Variants in GRM7 observed in about 807,000 individuals in gnomAD.
The protein encoded by GRM7 is glutamate metabotropic receptor 7, also known as metabotropic glutamate receptor 7.
In GRM7, 35 loss-of-function variants were observed where a neutral mutation model predicts 84.5. The ratio of observed to expected loss-of-function variants is 0.41; its 90% CI spans 0.32 to 0.55. The LOEUF is 0.55. Ranked by LOEUF, GRM7 falls within the 20% of genes least tolerant of loss-of-function variation. GRM7 has a pLI of 0.19. For synonymous variants in GRM7, 487 were observed against 455.1 expected, an observed-to-expected ratio of 1.07 and a Z score of -0.89; for missense variants, 1,003 against 1,194.6, an observed-to-expected ratio of 0.84 and a Z score of 2.36.
chr3:7,304,441 G>C (rs144932313), intron 3 of GRM7, among the ~76,000 whole-genome samples: 91 of 150,086 alleles, frequency 6.1e-4, no homozygotes, highest in African/African-American at 2.2e-3. Context: ...TTCGTGATGT[G>C]CTTGATTTTC....
chr3:7,315,685 C>T (rs1277793075), intron 4 of GRM7, among the ~76,000 whole-genome samples: 1 of 152,172 alleles, frequency 6.6e-6, no homozygotes, highest in Non-Finnish European at 1.5e-5. Flanking sequence ...TTCTCAGGGC[C>T]ACTGCTAAGC....
chr3:7,608,050 A>G (rs182529275), intron 8 of GRM7: 15 of 359,122 alleles, frequency 4.2e-5, no homozygotes, highest in Non-Finnish European at 8.7e-5. Context: ...ATGTTCCTGC[A>G]AAAGACATGA....
intron 2 of GRM7, among the ~76,000 whole-genome samples, chr3:7,275,657 G>T (rs1699024856): frequency 6.6e-6 from 1 of 152,100 alleles, no homozygotes; most frequent in African/African-American, 2.4e-5. Context: ...TAAAACCCCG[G>T]CAAGTTAGGT....
intron 2 of GRM7, among the ~76,000 whole-genome samples, chr3:7,266,252 T>C (rs950681167): frequency 6.6e-6 from 1 of 152,200 alleles, no homozygotes; most frequent in African/African-American, 2.4e-5. Context: ...AAACCCACTT[T>C]TTATGGCTAG....
At chr3:7,642,762 T>C (rs1698422207) in intron 8 of GRM7, among the ~76,000 whole-genome samples, 1 of 152,208 alleles carries the variant, frequency 6.6e-6, no homozygotes, top group Non-Finnish European at 1.5e-5. Flanking sequence ...CAGCCAAACA[T>C]AATGCAAATT....
chr3:7,223,946 C>T (rs922010215), intron 2 of GRM7, among the ~76,000 whole-genome samples: 2 of 152,136 alleles, frequency 1.3e-5, no homozygotes, highest in African/African-American at 4.8e-5. Flanking sequence ...TACAGCATAG[C>T]TATGTATGGA....
chr3:7,332,372 G>A (rs1310009599), intron 4 of GRM7, among the ~76,000 whole-genome samples: 1 of 152,120 alleles, frequency 6.6e-6, no homozygotes, highest in East Asian at 1.9e-4. Context: ...GCAGCCTTCT[G>A]TTTCCATACA....
chr3:7,136,646 G>A (rs1347319571), intron 1 of GRM7, among the ~76,000 whole-genome samples: 1 of 152,082 alleles, frequency 6.6e-6, no homozygotes, highest in African/African-American at 2.4e-5. Flanking sequence ...TACTGTGAGT[G>A]TCTCTGGCCA....
chr3:6,944,560 T>G (rs2125060646), intron 1 of GRM7, among the ~76,000 whole-genome samples: 1 of 152,314 alleles, frequency 6.6e-6, no homozygotes, highest in South Asian at 2.1e-4. Context: ...TTTTATATGT[T>G]GTTGGATTTG....
intron 7 of GRM7, among the ~76,000 whole-genome samples, chr3:7,568,207 G>T (rs1170548778): frequency 6.6e-6 from 1 of 151,964 alleles, no homozygotes; most frequent in African/African-American, 2.4e-5. Flanking sequence ...GGCCCCAGAA[G>T]GGTCCTTGTG....
intron 1 of GRM7, among the ~76,000 whole-genome samples, chr3:6,876,760 C>T (rs1197104967): frequency 1.3e-5 from 2 of 151,950 alleles, no homozygotes; most frequent in Non-Finnish European, 2.9e-5. Flanking sequence ...CGTCACCACG[C>T]CCAGCTAATT....
chr3:7,139,070 A>G (rs997881783), intron 1 of GRM7, among the ~76,000 whole-genome samples: 1 of 147,444 alleles, frequency 6.8e-6, no homozygotes, highest in Non-Finnish European at 1.5e-5. Flanking sequence ...TACATTATAT[A>G]ATATTATATA....
chr3:6,927,531 G>A, intron 1 of GRM7, among the ~76,000 whole-genome samples: 1 of 150,828 alleles, frequency 6.6e-6, no homozygotes, highest in African/African-American at 2.4e-5. Flanking sequence ...AGAAAAGAAA[G>A]AAAGAAATCT....
At position 6,869,987 on chromosome 3, in the gene GRM7, A is replaced by G. The variant is rs79426118; in HGVS notation, c.519+8080A>G. ...GCTTGGACACATCAGTAAAAAAGTAAAAGCTCTCTCTCTCCTTCTCCTTTC... is the reference window on the plus strand; with the variant it reads ...GCTTGGACACATCAGTAAAAAAGTAGAAGCTCTCTCTCTCCTTCTCCTTTC... On this transcript the variant is annotated intron_variant, in intron 1 of 9. Coordinates refer to ENST00000357716, the MANE Select transcript of GRM7 (RefSeq NM_000844.4). 9.4e-3 allele frequency among the ~76,000 whole-genome samples: 1,425 copies of G among 152,094 alleles called. 23 individuals are homozygous for G. Among genetic ancestry groups the G allele is most frequent in the African/African-American group, 0.032 (1,348 of 41,502 alleles).
In GRM7 at chr3:6,861,670, C is replaced by G; in HGVS notation, c.282C>G (p.Asn94Lys). 6.2e-7 allele frequency: 1 copy of G among 1,614,044 alleles called. No individual in the cohort carries two copies. The highest frequency in any genetic ancestry group is 1.1e-5 in the South Asian group (1 of 91,076). The change falls in exon 1 of 10, where the codon AAC becomes AAG. Residue 94 changes from asparagine to lysine, a missense_variant. Transcript: ENST00000357716. The surrounding 1 kb of genome is among the most constrained non-coding windows in gnomAD (Gnocchi z 6.4). ...YALDQINSDP[N>K]LLPNVTLGAR... ...TGGACCAGATCAACAGTGATCCCAA[C>G]CTACTGCCCAACGTGACGCTGGGCG... is the stretch of plus-strand genomic sequence containing the variant.
intron 1 of GRM7, among the ~76,000 whole-genome samples, chr3:6,964,614 C>A (rs987125042): frequency 2.0e-5 from 3 of 152,122 alleles, no homozygotes; most frequent in Non-Finnish European, 4.4e-5. Flanking sequence ...CCCCAGAAAT[C>A]AACAAGTCTC....
chr3:7,337,220 G>A (rs185553850), intron 4 of GRM7, among the ~76,000 whole-genome samples: 174 of 152,164 alleles, frequency 1.1e-3, no homozygotes, highest in Non-Finnish European at 2.0e-3. Context: ...GCCACACGTC[G>A]AAGAATAAAG....
intron 1 of GRM7, among the ~76,000 whole-genome samples, chr3:6,972,047 CATT>C (rs1156626850): frequency 6.6e-6 from 1 of 152,086 alleles, no homozygotes; most frequent in Admixed American, 6.6e-5. Flanking sequence ...ACTTAGCAGA[CATT>C]ATTATTATTT....
At chr3:7,412,166 C>G (rs901499619) in intron 4 of GRM7, among the ~76,000 whole-genome samples, 2 of 152,108 alleles carry the variant, frequency 1.3e-5, no homozygotes, top group African/African-American at 2.4e-5. Flanking sequence ...ATCATTGGGC[C>G]ATTCTTACTA....
Sources: allele counts gnomAD v4.1 joint callset (sites outside exome capture counted in the v4.1 genomes callset), GRCh38; gene constraint gnomAD v4.1.1; non-coding constraint Gnocchi (gnomAD v3.1); transcripts MANE v1.5; gene names NCBI Gene and HGNC (gene_info 2026-07-23, HGNC 2026-07-21).